Variants in SPMIP3 observed in about 807,000 individuals in gnomAD.
The protein encoded by SPMIP3 is protein SPMIP3.
At chr1:244,355,810 T>C in the SPMIP3 span, among the ~76,000 whole-genome samples, 2 of 152,272 alleles carry the variant, frequency 1.3e-5, no homozygotes, top group South Asian at 2.1e-4. Flanking sequence ...AATCCATGAA[T>C]GTAGTCTACC....
At chr1:244,372,677 TTG>T in the SPMIP3 span, among the ~76,000 whole-genome samples, 104 of 152,230 alleles carry the variant, frequency 6.8e-4, no homozygotes, top group East Asian at 9.1e-3. Flanking sequence ...ACTCCTGACC[TTG>T]CGATCCGCCC....
At chr1:244,384,108 T>A in the SPMIP3 span, among the ~76,000 whole-genome samples, 1 of 152,164 alleles carries the variant, frequency 6.6e-6, no homozygotes, top group Admixed American at 6.5e-5. Context: ...TTGAAAATGT[T>A]CCTCTAACTG....
the SPMIP3 span, among the ~76,000 whole-genome samples, chr1:244,384,548 A>C: frequency 1.3e-5 from 2 of 152,146 alleles, no homozygotes; most frequent in Non-Finnish European, 2.9e-5. Flanking sequence ...GGAGTTTTAA[A>C]AAATCTGGAC....
the SPMIP3 span, chr1:244,389,194 A>T: frequency 1.4e-6 from 1 of 702,634 alleles, no homozygotes; most frequent in Admixed American, 2.5e-5. Flanking sequence ...AAATATTTAC[A>T]TGTTGCAAAT....
the SPMIP3 span, among the ~76,000 whole-genome samples, chr1:244,369,505 A>ACG: frequency 1.1e-4 from 16 of 152,204 alleles, no homozygotes; most frequent in African/African-American, 3.9e-4. Flanking sequence ...GAAATCAAGG[A>ACG]CGTGAACACA....
chr1:244,383,631 G>A, the SPMIP3 span, among the ~76,000 whole-genome samples: 3 of 152,206 alleles, frequency 2.0e-5, no homozygotes, highest in Non-Finnish European at 4.4e-5. Context: ...TGAGCCAAGA[G>A]CTGAAGGATA....
the SPMIP3 span, chr1:244,375,352 C>G: frequency 6.3e-7 from 1 of 1,582,374 alleles, no homozygotes; most frequent in South Asian, 1.1e-5. Context: ...TTCTTCTCAC[C>G]TCCTCACTTT....
chr1:244,365,484 C>G, the SPMIP3 span, among the ~76,000 whole-genome samples: 1 of 152,210 alleles, frequency 6.6e-6, no homozygotes, highest in African/African-American at 2.4e-5. Flanking sequence ...TCCTCCTTTG[C>G]CTTCTGCCAT....
chr1:244,360,555 C>CACAT, the SPMIP3 span, among the ~76,000 whole-genome samples: 1 of 39,646 alleles, frequency 2.5e-5, no homozygotes, highest in South Asian at 9.9e-4. Flanking sequence ...CACACACACA[C>CACAT]ACATGCATGC....
At chr1:244,389,153 T>C in the SPMIP3 span, 1 of 1,008,102 alleles carries the variant, frequency 9.9e-7, no homozygotes, top group Non-Finnish European at 1.5e-6. Flanking sequence ...TACTTTCAGT[T>C]TCAGTGTGTA....
chr1:244,378,082 C>G, the SPMIP3 span, among the ~76,000 whole-genome samples: 2 of 152,210 alleles, frequency 1.3e-5, no homozygotes, highest in Admixed American at 6.6e-5. Context: ...GCTGGGATTA[C>G]AGGCGTGAGC....
the SPMIP3 span, among the ~76,000 whole-genome samples, chr1:244,371,905 T>C: frequency 6.6e-6 from 1 of 152,212 alleles, no homozygotes; most frequent in Admixed American, 6.5e-5. Context: ...CCCATTGTTA[T>C]TTACCATCCA....
the SPMIP3 span, chr1:244,378,732 T>C: frequency 1.5e-6 from 2 of 1,377,102 alleles, no homozygotes; most frequent in Non-Finnish European, 2.0e-6. Flanking sequence ...TCAGGGAGCC[T>C]GTTTGGGACC....
chr1:244,361,227 C>T, the SPMIP3 span, among the ~76,000 whole-genome samples: 99 of 68,008 alleles, frequency 1.5e-3, no homozygotes, highest in African/African-American at 4.0e-3. Context: ...TCTTTTTTTT[C>T]TTTCTTTCTT....
At chr1:244,354,558 A>G in the SPMIP3 span, among the ~76,000 whole-genome samples, 1 of 152,128 alleles carries the variant, frequency 6.6e-6, no homozygotes, top group Non-Finnish European at 1.5e-5. Context: ...AACAGGTTTC[A>G]ACATGTTGTC....
At chr1:244,355,953 CTTTT>C in the SPMIP3 span, among the ~76,000 whole-genome samples, 1 of 151,872 alleles carries the variant, frequency 6.6e-6, no homozygotes, top group East Asian at 1.9e-4. Flanking sequence ...AATGTTTGTT[CTTTT>C]TTTTATTTAT....
At chr1:244,365,809 G>A in the SPMIP3 span, among the ~76,000 whole-genome samples, 1 of 152,192 alleles carries the variant, frequency 6.6e-6, no homozygotes, top group Non-Finnish European at 1.5e-5. Flanking sequence ...AGAAGTCTGA[G>A]CAATCCAAGC....
At chr1:244,378,123 A>G in the SPMIP3 span, among the ~76,000 whole-genome samples, 2 of 152,222 alleles carry the variant, frequency 1.3e-5, no homozygotes, top group East Asian at 3.9e-4. Context: ...GGTTCCTTGA[A>G]GCAACAAACA....
chr1:244,389,002 C>T, the SPMIP3 span: 1 of 1,614,014 alleles, frequency 6.2e-7, no homozygotes, highest in East Asian at 2.2e-5. Context: ...CCGCTTAATT[C>T]ACTGCCAGAG....
Sources: gnomAD v4.1 joint callset for allele counts (sites outside exome capture counted in the v4.1 genomes callset) on GRCh38, gnomAD v4.1.1 for gene constraint, MANE v1.5 for transcripts, NCBI Gene and HGNC (gene_info 2026-07-23, HGNC 2026-07-21) for gene names.